TRHDE: variants seen among roughly 807,000 people sequenced by gnomAD.
TRHDE encodes thyrotropin releasing hormone degrading enzyme.
TRHDE carries 72 observed loss-of-function variants against 125.7 expected under a neutral mutation model. The ratio of observed to expected loss-of-function variants is 0.57; its 90% CI spans 0.47 to 0.70. The LOEUF is 0.70. TRHDE is among the 30% of genes least tolerant of loss of function. TRHDE has a pLI of 0.00. For missense variants in TRHDE, 1,110 were observed against 1,327.1 expected, an observed-to-expected ratio of 0.84 and a Z score of 2.54; for synonymous variants, 509 against 509.1, an observed-to-expected ratio of 1.00 and a Z score of 0.00.
chr12:72,117,440 C>T lies in TRHDE; in HGVS notation n.279+11688C>T, dbSNP rs1875473012. 2.0e-5 allele frequency among the ~76,000 whole-genome samples: 3 copies of T among 152,176 alleles called. No homozygotes were observed. The Middle Eastern group carries it at 0.01, about 518-fold the overall frequency. The stretch of plus-strand genomic sequence containing the variant: ...TATTCTGTTCTATTGGTCTATGTGT[C>T]TGATTTTATGCCAGCACCATGCTGT... On this transcript the variant is annotated intron_variant and non_coding_transcript_variant, in intron 2 of 4. Coordinates refer to the TRHDE transcript ENST00000548156.
intron 6 of TRHDE, among the ~76,000 whole-genome samples, chr12:72,537,121 T>C (rs1868902372): frequency 1.3e-5 from 2 of 152,098 alleles, no homozygotes; most frequent in Admixed American, 6.6e-5. Context: ...GTGTGTAAAC[T>C]TTATGCCTCA....
chr12:72,463,138 A>G (rs144744019), intron 3 of TRHDE, among the ~76,000 whole-genome samples: 284 of 152,298 alleles, frequency 1.9e-3, no homozygotes, highest in African/African-American at 6.2e-3. Flanking sequence ...AAAATGCCAC[A>G]TCCCCTGACT....
At chr12:72,589,941 T>C (rs1226446325) in intron 12 of TRHDE, among the ~76,000 whole-genome samples, 1 of 152,022 alleles carries the variant, frequency 6.6e-6, no homozygotes, top group Non-Finnish European at 1.5e-5. Flanking sequence ...TTTAATCTGC[T>C]TTACTGTTTC....
intron 2 of TRHDE, among the ~76,000 whole-genome samples, chr12:72,335,371 A>G (rs1005102781): frequency 6.6e-6 from 1 of 152,236 alleles, no homozygotes; most frequent in African/African-American, 2.4e-5. Context: ...ACACCCATGT[A>G]TGATACTAGA....
intron 1 of TRHDE, among the ~76,000 whole-genome samples, chr12:72,097,440 A>ATTTTTTTTTTTTT (rs869290442): frequency 5.1e-4 from 11 of 21,646 alleles, no homozygotes; most frequent in South Asian, 1.5e-3. Flanking sequence ...TTCTCACTGA[A>ATTTTTTTTTTTTT]TTTTTTTTTT....
In TRHDE at chr12:72,580,642, C is replaced by T. The variant is rs551823741; in HGVS notation, c.2321+5100C>T. 1.3e-4 allele frequency among the ~76,000 whole-genome samples: 20 copies of T among 152,266 alleles called. No individual in the cohort carries two copies. The South Asian group carries it at 3.3e-3, about 25-fold the overall frequency. On this transcript the variant is annotated intron_variant, in intron 12 of 18. Transcript: ENST00000261180. ...TTTTATTAAAGACAGGGTTTCACCA[C>T]GTTGGTCAGGCTAGTCTTGAACTGC...
At chr12:72,457,727 T>C (rs1444729947) in intron 3 of TRHDE, among the ~76,000 whole-genome samples, 1 of 152,166 alleles carries the variant, frequency 6.6e-6, no homozygotes, top group Non-Finnish European at 1.5e-5. Context: ...GGAACTGGCC[T>C]TAAGGCACAA....
intron 2 of TRHDE, among the ~76,000 whole-genome samples, chr12:72,118,763 A>G (rs1245610504): frequency 6.6e-6 from 1 of 151,958 alleles, no homozygotes; most frequent in African/African-American, 2.4e-5. Flanking sequence ...GGATTTTTTC[A>G]TGGTTCAGTT....
Position 72,573,000 on chromosome 12 carries a change from T to A in TRHDE, c.2132-2255T>A, listed in dbSNP as rs186611107. ...TTGGTGCTTTAACATTATAACTTTT[T>A]GAAAAAAATAACACTTCTTAGATAA... On this transcript the variant is annotated intron_variant, in intron 10 of 18. Coordinates refer to ENST00000261180, the MANE Select transcript of TRHDE (RefSeq NM_013381.3). Among the ~76,000 whole-genome samples, 39 of 152,026 alleles carry A rather than the reference T, an allele frequency of 2.6e-4. No individual in the cohort carries two copies. The East Asian group carries it at 6.8e-3, about 26-fold the overall frequency.
intron 9 of TRHDE, 112 bp from the exon 10 acceptor site, chr12:72,568,456 A>C: frequency 1.8e-6 from 1 of 566,246 alleles, no homozygotes; most frequent in Non-Finnish European, 2.9e-6. Context: ...ATTTTTTTTT[A>C]GTTCACCTAA....
intron 5 of TRHDE, among the ~76,000 whole-genome samples, chr12:72,498,235 G>C (rs1315276287): frequency 6.6e-6 from 1 of 152,068 alleles, no homozygotes; most frequent in African/African-American, 2.4e-5. Flanking sequence ...AAATCATTGA[G>C]CAAATGAGTA....
intron 6 of TRHDE, among the ~76,000 whole-genome samples, chr12:72,512,406 AATT>A: frequency 7.5e-6 from 1 of 132,712 alleles, no homozygotes; most frequent in South Asian, 2.2e-4. Flanking sequence ...ATTATTATAT[AATT>A]ATAACTATAT....
chr12:72,613,136 A>G lies in TRHDE; in HGVS notation c.2322-5755A>G, dbSNP rs1268697080. Among the ~76,000 whole-genome samples the G allele has an allele frequency of 2.0e-5, 3 of 152,204 alleles. No homozygotes were observed. In the East Asian group the frequency reaches 5.8e-4, roughly 29 times the overall value. On this transcript the variant is annotated intron_variant, in intron 12 of 18. Transcript: ENST00000261180. ...AAAGGGATTTCTAAGCCTTCCATCA[A>G]TCTATTTAAATGACTAGCATAAATA...
chr12:72,185,751 C>A (rs1877194154), intron 2 of TRHDE, among the ~76,000 whole-genome samples: 1 of 151,230 alleles, frequency 6.6e-6, no homozygotes, highest in Non-Finnish European at 1.5e-5. Flanking sequence ...CCTTGGAGAA[C>A]CTTTATGTCT....
intron 3 of TRHDE, among the ~76,000 whole-genome samples, chr12:72,409,673 G>C (rs1219990290): frequency 6.6e-6 from 1 of 152,126 alleles, no homozygotes; most frequent in African/African-American, 2.4e-5. Context: ...GTACAATTTT[G>C]GATTTACCTG....
intron 2 of TRHDE, among the ~76,000 whole-genome samples, chr12:72,108,253 C>T (rs1875234421): frequency 1.3e-5 from 2 of 152,022 alleles, no homozygotes; most frequent in African/African-American, 4.8e-5. Flanking sequence ...TTTGTAAGAA[C>T]TAGGTTAGTT....
At chr12:72,105,540 T>G (rs985563637) in intron 1 of TRHDE, 1 of 152,158 alleles carries the variant, frequency 6.6e-6, no homozygotes, top group African/African-American at 2.4e-5. Flanking sequence ...ATGGTAATAA[T>G]AAAAAATACA....
At chr12:72,191,255 T>G (rs1201679166) in intron 2 of TRHDE, among the ~76,000 whole-genome samples, 1 of 152,124 alleles carries the variant, frequency 6.6e-6, no homozygotes, top group Non-Finnish European at 1.5e-5. Flanking sequence ...AACTGGGAGC[T>G]GTTGCAGTGG....
At chr12:72,457,538 A>C (rs1875916400) in intron 3 of TRHDE, among the ~76,000 whole-genome samples, 1 of 152,124 alleles carries the variant, frequency 6.6e-6, no homozygotes, top group African/African-American at 2.4e-5. Flanking sequence ...TAAAAAATTA[A>C]GCAACCTTTG....
Sources: allele counts gnomAD v4.1 joint callset (sites outside exome capture counted in the v4.1 genomes callset), GRCh38; gene constraint gnomAD v4.1.1; transcripts MANE v1.5; gene names NCBI Gene and HGNC (gene_info 2026-07-23, HGNC 2026-07-21).